NUBPL: variants seen among roughly 807,000 people sequenced by gnomAD.
NUBPL encodes the protein iron-sulfur cluster transfer protein NUBPL.
NUBPL carries 31 observed loss-of-function variants against 45.7 expected under a neutral mutation model. The ratio of observed to expected loss-of-function variants is 0.68; its 90% CI spans 0.51 to 0.92. NUBPL has a LOEUF of 0.92. NUBPL is among the 40% of genes least tolerant of loss of function. NUBPL has a pLI of 0.00. For synonymous variants in NUBPL, 144 were observed against 140.9 expected, an observed-to-expected ratio of 1.02 and a Z score of -0.15; for missense variants, 401 against 398.7, an observed-to-expected ratio of 1.01 and a Z score of -0.05.
chr14:31,760,138 T>A (rs2138723054), intron 6 of NUBPL, among the ~76,000 whole-genome samples: 1 of 32,694 alleles, frequency 3.1e-5, no homozygotes, highest in Admixed American at 3.1e-4. Flanking sequence ...TGTGTGTGTG[T>A]GTGTGTGAGA....
chr14:31,746,667 G>A (rs772611483), intron 6 of NUBPL, among the ~76,000 whole-genome samples: 4 of 151,896 alleles, frequency 2.6e-5, no homozygotes, highest in Non-Finnish European at 5.9e-5. Context: ...TTCTTGTTTG[G>A]TTTTGGTATC....
chr14:31,740,413 A>C (rs1000348849), intron 6 of NUBPL, among the ~76,000 whole-genome samples: 8 of 152,148 alleles, frequency 5.3e-5, no homozygotes, highest in African/African-American at 1.9e-4. Flanking sequence ...ATAATATGAA[A>C]CATCTTTTCA....
rs77541633 is a variant in NUBPL at position 31,596,609 on chromosome 14, C to T, written c.292-2680C>T. ...ACCATAGAGATCATATGATCCTCAACGTCTGAAATATTTACTGTTAGCCCT... is the reference window on the plus strand; with the variant it reads ...ACCATAGAGATCATATGATCCTCAATGTCTGAAATATTTACTGTTAGCCCT... On this transcript the variant is annotated intron_variant, in intron 3 of 10. Coordinates refer to ENST00000281081, the MANE Select transcript of NUBPL (RefSeq NM_025152.3). 7.9e-3 allele frequency among the ~76,000 whole-genome samples: 1,207 copies of T among 152,250 alleles called. 17 individuals are homozygous for T. The highest frequency in any genetic ancestry group is 0.027 in the African/African-American group (1,133 of 41,560).
chr14:31,740,601 T>G (rs992553017), intron 6 of NUBPL, among the ~76,000 whole-genome samples: 1 of 152,240 alleles, frequency 6.6e-6, no homozygotes, highest in Non-Finnish European at 1.5e-5. Flanking sequence ...GGTTTTTGGC[T>G]TGTCTTCTCA....
intron 7 of NUBPL, among the ~76,000 whole-genome samples, chr14:31,799,176 C>A (rs557097354): frequency 6.6e-6 from 1 of 152,072 alleles, no homozygotes; most frequent in Non-Finnish European, 1.5e-5. Context: ...ACAGAAAGTG[C>A]AGTATTCTGA....
chr14:31,836,299 A>G (rs972777736), intron 8 of NUBPL, among the ~76,000 whole-genome samples: 1 of 152,176 alleles, frequency 6.6e-6, no homozygotes, highest in East Asian at 1.9e-4. Flanking sequence ...TAGCTGAGGT[A>G]AAAAGAAAAA....
At chr14:31,759,634 T>C (rs2038753851) in intron 6 of NUBPL, among the ~76,000 whole-genome samples, 1 of 151,818 alleles carries the variant, frequency 6.6e-6, no homozygotes, top group African/African-American at 2.4e-5. Flanking sequence ...GACTTATGAT[T>C]TTTCAACTTT....
At chr14:31,814,480 G>C (rs1012152596) in intron 7 of NUBPL, among the ~76,000 whole-genome samples, 9 of 151,920 alleles carry the variant, frequency 5.9e-5, no homozygotes, top group Admixed American at 5.9e-4. Flanking sequence ...CCATTCTATA[G>C]GTTGGCTGTT....
intron 4 of NUBPL, among the ~76,000 whole-genome samples, chr14:31,668,280 G>T (rs1364286856): frequency 1.3e-5 from 2 of 152,210 alleles, no homozygotes; most frequent in Non-Finnish European, 2.9e-5. Context: ...ATCTAGAGAG[G>T]CAGTCTGCCC....
Position 31,578,096 on chromosome 14 carries a change from A to G in NUBPL, c.291+13048A>G, listed in dbSNP as rs571048446. The G allele has an allele frequency of 2.2e-4, 143 of 640,716 alleles. 2 individuals are homozygous for G. Among genetic ancestry groups the G allele is most frequent in the East Asian group, 1.7e-3 (26 of 15,164 alleles). 39.7% of individuals were successfully genotyped at this position (640,716 alleles called of 1,614,324 possible). On this transcript the variant is annotated intron_variant, in intron 3 of 10. Coordinates refer to ENST00000281081, the MANE Select transcript of NUBPL (RefSeq NM_025152.3). ...TTTTGAATGCATTACTGGGTTTTCT[A>G]AAATGTCCATAATATTACCAAGGAA...
intron 9 of NUBPL, 96 bp downstream of exon 9, chr14:31,846,687 A>G: frequency 2.6e-6 from 4 of 1,558,072 alleles, no homozygotes; most frequent in Non-Finnish European, 3.5e-6. Flanking sequence ...CCGGGCACGG[A>G]GTCTCACACC....
chr14:31,619,365 G>C (rs1442153183), intron 4 of NUBPL, among the ~76,000 whole-genome samples: 3 of 152,162 alleles, frequency 2.0e-5, no homozygotes, highest in Non-Finnish European at 4.4e-5. Context: ...AGTTGATGCA[G>C]TTTCTTCATA....
intron 4 of NUBPL, among the ~76,000 whole-genome samples, chr14:31,608,893 A>G (rs2034676601): frequency 6.6e-6 from 1 of 152,134 alleles, no homozygotes; most frequent in African/African-American, 2.4e-5. Context: ...TAGAATTGCA[A>G]GCCTCATGGT....
intron 7 of NUBPL, among the ~76,000 whole-genome samples, chr14:31,812,092 G>A (rs1219267095): frequency 3.3e-5 from 5 of 152,202 alleles, no homozygotes; most frequent in Non-Finnish European, 7.3e-5. Context: ...GGCTACATGG[G>A]GGTCATGGAC....
At chr14:31,713,126 G>A (rs559533394) in intron 6 of NUBPL, among the ~76,000 whole-genome samples, 4 of 152,258 alleles carry the variant, frequency 2.6e-5, no homozygotes, top group African/African-American at 9.6e-5. Context: ...ACAAACGTTA[G>A]TTTTAAGCTT....
intron 4 of NUBPL, among the ~76,000 whole-genome samples, chr14:31,611,492 C>G (rs1211837017): frequency 3.3e-5 from 5 of 152,194 alleles, no homozygotes; most frequent in Non-Finnish European, 1.5e-5. Context: ...ATTGTCCCTA[C>G]TATTCAAAGC....
rs73255184 is a variant in NUBPL, at chr14:31,757,590, A to T, written c.514-30190A>T. On this transcript the variant is annotated intron_variant, in intron 6 of 10. Coordinates refer to ENST00000281081, the MANE Select transcript of NUBPL (RefSeq NM_025152.3). ...TTTTAGAGTTACGTTGCTAAAATAC[A>T]TGTAGATGAAATGATATGATATCTG... 1.8e-3 allele frequency among the ~76,000 whole-genome samples: 274 copies of T among 152,276 alleles called. 1 individual carries two copies. Among genetic ancestry groups the T allele is most frequent in the Admixed American group, 3.5e-3 (53 of 15,292 alleles).
At chr14:31,742,769 A>ATTT (rs34130229) in intron 6 of NUBPL, among the ~76,000 whole-genome samples, 158 of 136,368 alleles carry the variant, frequency 1.2e-3, no homozygotes, top group African/African-American at 3.5e-3. Flanking sequence ...AACCCAGCTG[A>ATTT]TTTTTTTTTT....
intron 2 of NUBPL, among the ~76,000 whole-genome samples, chr14:31,564,784 A>G (rs980554692): frequency 2.6e-5 from 4 of 152,152 alleles, no homozygotes; most frequent in Non-Finnish European, 5.9e-5. Context: ...CATCTATTGC[A>G]TTTATTGGCA....
Sources: allele counts gnomAD v4.1 joint callset (sites outside exome capture counted in the v4.1 genomes callset), GRCh38; gene constraint gnomAD v4.1.1; transcripts MANE v1.5; gene names NCBI Gene and HGNC (gene_info 2026-07-23, HGNC 2026-07-21).